PRKN: variants seen among roughly 807,000 people sequenced by gnomAD.
The protein encoded by PRKN is parkin RBR E3 ubiquitin protein ligase.
PRKN carries 56 observed loss-of-function variants against 59.5 expected under a neutral mutation model. That is an observed-to-expected ratio of 0.94 (90% CI 0.76 to 1.18). PRKN has a LOEUF of 1.18. Ranked by LOEUF, PRKN falls within the 50% of genes most tolerant of loss-of-function variation. The pLI, the probability that PRKN is intolerant of heterozygous loss-of-function variation, is 0.00. For missense variants in PRKN, 657 were observed against 596.4 expected, an observed-to-expected ratio of 1.10 and a Z score of -1.06; for synonymous variants, 250 against 222.1, an observed-to-expected ratio of 1.13 and a Z score of -1.12.
intron 7 of PRKN, among the ~76,000 whole-genome samples, chr6:161,573,122 T>A (rs1780957306): frequency 6.6e-6 from 1 of 151,968 alleles, no homozygotes; most frequent in Non-Finnish European, 1.5e-5. Context: ...AAGGGTAGAG[T>A]CACAGGAGAA....
At chr6:162,451,235 C>A (rs1790609486) in intron 1 of PRKN, among the ~76,000 whole-genome samples, 1 of 151,646 alleles carries the variant, frequency 6.6e-6, no homozygotes, top group African/African-American at 2.4e-5. Context: ...TCTAACATTT[C>A]AAAGAACCAT....
chr6:161,949,460 G>A (rs1430599374), intron 6 of PRKN, among the ~76,000 whole-genome samples: 2 of 152,058 alleles, frequency 1.3e-5, no homozygotes, highest in Admixed American at 6.6e-5. Flanking sequence ...GCGGTGAGCC[G>A]AGTTTGCGCC....
chr6:161,847,695 G>A (rs1012222897), intron 6 of PRKN, among the ~76,000 whole-genome samples: 8 of 151,802 alleles, frequency 5.3e-5, no homozygotes, highest in African/African-American at 1.7e-4. Flanking sequence ...GCATCACTTA[G>A]AAAAGTTAAA....
intron 6 of PRKN, among the ~76,000 whole-genome samples, chr6:161,893,558 C>T (rs567986328): frequency 2.0e-5 from 3 of 152,288 alleles, no homozygotes; most frequent in East Asian, 1.9e-4. Context: ...ACTAGAGGAG[C>T]GACCTTGGGC....
chr6:162,101,361 C>T (rs1779961895), intron 4 of PRKN, among the ~76,000 whole-genome samples: 1 of 151,380 alleles, frequency 6.6e-6, no homozygotes, highest in African/African-American at 2.4e-5. Context: ...GTATTCTTGG[C>T]GTCTTTGTCA....
At position 161,499,755 on chromosome 6, in the gene PRKN, C is replaced by A. The variant is rs563041736; in HGVS notation, c.1083+49099G>T. Among the ~76,000 whole-genome samples the A allele has an allele frequency of 4.6e-5, 7 of 152,258 alleles. No individual in the cohort carries two copies. Among genetic ancestry groups the A allele is most frequent in the African/African-American group, 1.7e-4 (7 of 41,538 alleles). On this transcript the variant is annotated intron_variant, in intron 9 of 11. Transcript: ENST00000366898. The surrounding 1 kb of genome is among the most constrained non-coding windows in gnomAD (Gnocchi z 4.2). Reference sequence around the variant, plus strand: ...AGAATTACTGCTCTGTGGCTGAGGTCATCATATATTCAGAACCAAGTTCTA... The same window carrying A: ...AGAATTACTGCTCTGTGGCTGAGGTAATCATATATTCAGAACCAAGTTCTA...
intron 1 of PRKN, among the ~76,000 whole-genome samples, chr6:162,563,569 A>G (rs1283378508): frequency 6.6e-6 from 1 of 152,214 alleles, no homozygotes; most frequent in African/African-American, 2.4e-5. Context: ...CCAGACAGTG[A>G]AGACTAAAAT....
At chr6:161,760,311 G>T (rs112892648) in intron 7 of PRKN, among the ~76,000 whole-genome samples, 2,243 of 115,546 alleles carry the variant, frequency 0.019, 40 homozygotes, top group South Asian at 0.071. Context: ...ACACCCACAC[G>T]GGTATCTGCG....
chr6:161,514,644 A>G (rs521641), intron 9 of PRKN, among the ~76,000 whole-genome samples: 121,451 of 151,750 alleles, frequency 0.8, 48,895 homozygotes, highest in Middle Eastern at 0.87. Context: ...GTTGGGGGAT[A>G]GCCGTTTGTC....
chr6:161,814,651 T>C (rs996785287), intron 6 of PRKN, among the ~76,000 whole-genome samples: 9 of 152,110 alleles, frequency 5.9e-5, no homozygotes, highest in Non-Finnish European at 1.2e-4. Flanking sequence ...TACAGGCATG[T>C]GCCACCACGC....
Position 161,397,337 on chromosome 6 carries a change from A to G in PRKN, c.1084-10460T>C, listed in dbSNP as rs1786809783. On this transcript the variant is annotated intron_variant, in intron 9 of 11. Coordinates refer to ENST00000366898, the MANE Select transcript of PRKN (RefSeq NM_004562.3). This position sits in a 1 kb window ranked among gnomAD's most constrained non-coding sequence, Gnocchi z 4.2. ...TGTGTACTCCATGATACAATGCACA[A>G]TCATGGGTTGAATTGAGTATTCTTG... 6.6e-6 allele frequency among the ~76,000 whole-genome samples: 1 copy of G among 152,234 alleles called. No individual in the cohort carries two copies. The highest frequency in any genetic ancestry group is 2.4e-5 in the African/African-American group (1 of 41,452).
chr6:162,520,982 T>C (rs987431222), intron 1 of PRKN, among the ~76,000 whole-genome samples: 10 of 152,166 alleles, frequency 6.6e-5, no homozygotes, highest in African/African-American at 2.4e-4. Flanking sequence ...AATATAAACA[T>C]TCATGCCAGA....
intron 6 of PRKN, among the ~76,000 whole-genome samples, chr6:161,961,621 C>A (rs1470224073): frequency 6.6e-6 from 1 of 152,180 alleles, no homozygotes; most frequent in African/African-American, 2.4e-5. Context: ...GGTTCCGTCA[C>A]ACCTTCACCT....
chr6:162,290,124 T>C (rs757632172), intron 2 of PRKN, among the ~76,000 whole-genome samples: 1 of 152,318 alleles, frequency 6.6e-6, no homozygotes, highest in Non-Finnish European at 1.5e-5. Flanking sequence ...CCAAGACTCC[T>C]TCACTTTATC....
rs189612788 is a variant in PRKN at position 161,735,891 on chromosome 6, G to A, written c.871+49881C>T. On this transcript the variant is annotated intron_variant, in intron 7 of 11. Coordinates refer to ENST00000366898, the MANE Select transcript of PRKN (RefSeq NM_004562.3). ...GATTGCTCCATTGTACTCCAGCCTG[G>A]GCAACAGAGCGAGACTCTGTCTCAG... Among the ~76,000 whole-genome samples, 3 of 151,962 alleles carry A rather than the reference G, an allele frequency of 2.0e-5. No homozygotes were observed. In the East Asian group the frequency reaches 5.8e-4, roughly 29 times the overall value.
At chr6:162,014,084 G>A (rs972144063) in intron 5 of PRKN, among the ~76,000 whole-genome samples, 5 of 151,962 alleles carry the variant, frequency 3.3e-5, no homozygotes, top group African/African-American at 4.8e-5. Context: ...CTACCCCCTC[G>A]TACCTCCCAT....
chr6:161,742,992 A>G (rs1788251389), intron 7 of PRKN, among the ~76,000 whole-genome samples: 1 of 152,152 alleles, frequency 6.6e-6, no homozygotes, highest in South Asian at 2.1e-4. Flanking sequence ...AAGATTCTCT[A>G]AGCTATATCT....
rs56916508 is a variant in PRKN, at chr6:161,460,751, C to CTT, written c.1084-73876_1084-73875dup. On this transcript the variant is annotated intron_variant, in intron 9 of 11. Coordinates refer to ENST00000366898, the MANE Select transcript of PRKN (RefSeq NM_004562.3). This position sits in a 1 kb window ranked among gnomAD's most constrained non-coding sequence, Gnocchi z 5.0. Reference sequence around the variant, plus strand: ...ATCCCACACACCAACCAAGAGTTATCTTTTTTTTTTTTTTCTTCAGATGGA... The same window carrying CTT: ...ATCCCACACACCAACCAAGAGTTATCTTTTTTTTTTTTTTTTCTTCAGATGGA... 2.8e-4 allele frequency among the ~76,000 whole-genome samples: 41 copies of CTT among 144,574 alleles called. No individual in the cohort carries two copies. The highest frequency in any genetic ancestry group is 3.2e-4 in the Non-Finnish European group (21 of 65,588). 94.8% of individuals were successfully genotyped at this position (144,574 alleles called of 152,430 possible).
At chr6:162,076,699 G>C (rs1211341856) in intron 4 of PRKN, among the ~76,000 whole-genome samples, 1 of 152,008 alleles carries the variant, frequency 6.6e-6, no homozygotes, top group African/African-American at 2.4e-5. Flanking sequence ...ACAGGTTTCC[G>C]CAAGAATTTC....
Sources: allele counts gnomAD v4.1 joint callset (sites outside exome capture counted in the v4.1 genomes callset), GRCh38; gene constraint gnomAD v4.1.1; non-coding constraint Gnocchi (gnomAD v3.1); transcripts MANE v1.5; gene names NCBI Gene and HGNC (gene_info 2026-07-23, HGNC 2026-07-21).